IFT140: variants seen among roughly 807,000 people sequenced by gnomAD.
IFT140 encodes the protein intraflagellar transport protein 140 homolog.
IFT140 carries 133 observed loss-of-function variants against 164.6 expected under a neutral mutation model. That is an observed-to-expected ratio of 0.81 (90% CI 0.70 to 0.93). The LOEUF (loss-of-function observed/expected upper bound fraction) is 0.93, where lower values mean the gene tolerates loss of function less well. Among genes scored for constraint, IFT140 ranks in the 40% least tolerant of loss-of-function variants. The pLI, the probability that IFT140 is intolerant of heterozygous loss-of-function variation, is 0.00. For synonymous variants in IFT140, 860 were observed against 817.3 expected, an observed-to-expected ratio of 1.05 and a Z score of -0.89; for missense variants, 2,045 against 1,972.3, an observed-to-expected ratio of 1.04 and a Z score of -0.70.
Position 1,584,214 on chromosome 16 carries a change from C to T in IFT140, c.1359+3G>A, listed in dbSNP as rs754642262. 6.2e-7 allele frequency: 1 copy of T among 1,612,390 alleles called. No individual in the cohort carries two copies. The highest frequency in any genetic ancestry group is 1.7e-5 in the Admixed American group (1 of 59,942). On this transcript the variant is annotated splice_donor_region_variant and intron_variant, in intron 11 of 30. Coordinates refer to ENST00000426508, the MANE Select transcript of IFT140 (RefSeq NM_014714.4). ...CCCACCCACGGGTCCCCTCGGCAGT[C>T]ACCTTGGTGGCAAACACTCCACTGA...
chr16:1,514,518 A>T (rs1327584497), intron 30 of IFT140: 1 of 152,218 alleles, frequency 6.6e-6, no homozygotes, highest in Admixed American at 6.6e-5. Context: ...CCCACACTAC[A>T]CATGAGGCAG....
intron 26 of IFT140, among the ~76,000 whole-genome samples, chr16:1,521,852 T>C (rs1445531715): frequency 7.5e-6 from 1 of 133,686 alleles, no homozygotes; most frequent in Non-Finnish European, 1.6e-5. Context: ...CAGACCCCCA[T>C]CTCCACAAGA....
At chr16:1,543,461 G>A (rs760751162) in intron 19 of IFT140, among the ~76,000 whole-genome samples, 17 of 152,352 alleles carry the variant, frequency 1.1e-4, no homozygotes, top group Non-Finnish European at 2.4e-4. Flanking sequence ...TTCCCCTGGC[G>A]GGTAGGGGCG....
chr16:1,538,635 A>G (rs1203499725), intron 19 of IFT140, among the ~76,000 whole-genome samples: 1 of 152,132 alleles, frequency 6.6e-6, no homozygotes, highest in Non-Finnish European at 1.5e-5. Context: ...CTCATTTTGC[A>G]ATGTTTAGAG....
At chr16:1,568,513 A>G (rs930892125) in intron 14 of IFT140, among the ~76,000 whole-genome samples, 179 bp from the exon 15 acceptor site, 1 of 152,106 alleles carries the variant, frequency 6.6e-6, no homozygotes, top group Non-Finnish European at 1.5e-5. Flanking sequence ...GAGTTCTTCC[A>G]CCTCAGGTAC....
intron 30 of IFT140, among the ~76,000 whole-genome samples, chr16:1,511,916 T>A (rs892541461): frequency 6.6e-6 from 1 of 151,284 alleles, no homozygotes; most frequent in Non-Finnish European, 1.5e-5. Context: ...AGTGGCAGAA[T>A]TCAGAGAAGG....
chr16:1,515,024 T>TAGATA (rs1176353273), intron 30 of IFT140, among the ~76,000 whole-genome samples: 4 of 152,110 alleles, frequency 2.6e-5, no homozygotes, highest in African/African-American at 9.7e-5. Flanking sequence ...AAAGAAAGTC[T>TAGATA]AGATAAATAC....
At chr16:1,569,397 CT>C (rs1473195280) in intron 14 of IFT140, among the ~76,000 whole-genome samples, 1 of 152,032 alleles carries the variant, frequency 6.6e-6, no homozygotes, top group African/African-American at 2.4e-5. Context: ...CATTTTTTTA[CT>C]TTGGTATATA....
intron 19 of IFT140, among the ~76,000 whole-genome samples, chr16:1,550,281 C>G (rs2032527402): frequency 1.3e-5 from 2 of 152,214 alleles, no homozygotes; most frequent in Admixed American, 1.3e-4. Flanking sequence ...TGGAAGCAGA[C>G]AGATGCTCTG....
intron 24 of IFT140, chr16:1,524,169 A>G (rs141171038): frequency 0.027 from 17,660 of 663,560 alleles, 320 homozygotes; most frequent in Non-Finnish European, 0.035. Context: ...AGAGCACTGC[A>G]AGAAATACCT....
Position 1,571,518 on chromosome 16 carries a change from A to C in IFT140, c.1541T>G (p.Leu514Arg), listed in dbSNP as rs150903791. The change falls in exon 14 of 31, where the codon CTC (leucine) becomes CGC (arginine). Residue 514 changes from leucine (L) to arginine (R), a missense_variant. By Grantham distance (102) the Leu-to-Arg change is moderately radical (BLOSUM62 -2). Coordinates refer to ENST00000426508, the MANE Select transcript of IFT140 (RefSeq NM_014714.4). ...VRTWQGTVKQLLLFSETEGNP... is the reference protein window; with the variant it reads ...VRTWQGTVKQRLLFSETEGNP... Reference sequence around the variant, plus strand: ...CCCCTCAGTCTCCGAGAAAAGGAGGAGTTGTTTGACAGTCCCCTGAGGAAA... The same window carrying C: ...CCCCTCAGTCTCCGAGAAAAGGAGGCGTTGTTTGACAGTCCCCTGAGGAAA... 1 of 1,612,672 alleles carries C rather than the reference A, an allele frequency of 6.2e-7. No homozygotes were observed. Among genetic ancestry groups the C allele is most frequent in the Non-Finnish European group, 8.5e-7 (1 of 1,179,512 alleles).
In IFT140 at chr16:1,571,433, GT is replaced by G; in HGVS notation, c.1625del (p.His542ProfsTer68). The G allele has an allele frequency of 6.2e-7, 1 of 1,613,524 alleles. No individual in the cohort carries two copies. Among genetic ancestry groups the G allele is most frequent in the South Asian group, 1.1e-5 (1 of 90,820 alleles). The part of the protein sequence containing the change: ...NFLVVGTDLA[H>X]FKSFDLSRRE... ...TTCGGGAAAGATCAAAGCTTTTAAA[GT>G]GAGCCAAGTCTGTCCCTACAACCAG... On this transcript the variant is annotated frameshift_variant, in exon 14 of 31. Coordinates refer to ENST00000426508, the MANE Select transcript of IFT140 (RefSeq NM_014714.4). LOFTEE classifies it high-confidence loss of function.
rs749836690 is a variant in IFT140 at position 1,583,348 on chromosome 16, G to C, written c.1398C>G (p.Ile466Met). ...VAVWNGRQVAIFELSGAAIRS... is the reference protein window; with the variant it reads ...VAVWNGRQVAMFELSGAAIRS... ...GTATCGCGGCTCCAGAAAGCTCGAA[G>C]ATCGCCACCTGCCTTCCGTTCCAGA... is the stretch of plus-strand genomic sequence containing the variant. Residue 466 changes from isoleucine (I) to methionine (M), a missense_variant, in exon 12 of 31, where the codon ATC becomes ATG. Transcript: ENST00000426508. 2 of 1,614,168 alleles carry C rather than the reference G, an allele frequency of 1.2e-6. No individual in the cohort carries two copies. Among genetic ancestry groups the C allele is most frequent in the East Asian group, 2.2e-5 (1 of 44,880 alleles).
chr16:1,520,540 C>CACGA, intron 27 of IFT140, 62 bp downstream of exon 27: 1 of 1,492,664 alleles, frequency 6.7e-7, no homozygotes, highest in East Asian at 2.5e-5. Flanking sequence ...GAGATGCGTG[C>CACGA]AGGGGGCCCG....
chr16:1,583,269 A>C, intron 12 of IFT140, 45 bp downstream of exon 12: 1 of 1,544,944 alleles, frequency 6.5e-7, no homozygotes, highest in Non-Finnish European at 8.9e-7. Flanking sequence ...GGAGGAAATA[A>C]AGCCAGGTAG....
At chr16:1,591,425 G>A (rs924253450) in intron 6 of IFT140, among the ~76,000 whole-genome samples, 14 of 152,014 alleles carry the variant, frequency 9.2e-5, no homozygotes, top group Admixed American at 6.6e-5. Context: ...AAACCACACA[G>A]CCCCGTCTGC....
intron 19 of IFT140, among the ~76,000 whole-genome samples, chr16:1,556,101 G>A (rs925144002): frequency 1.3e-5 from 2 of 152,128 alleles, no homozygotes; most frequent in South Asian, 2.1e-4. Flanking sequence ...GCAAGACTCC[G>A]TCTCAAAACA....
chr16:1,520,541 AG>A (rs2040491819), intron 27 of IFT140, 60 bp downstream of exon 27: 6 of 1,489,304 alleles, frequency 4.0e-6, no homozygotes, highest in Non-Finnish European at 5.5e-6. Context: ...AGATGCGTGC[AG>A]GGGGCCCGCA....
At chr16:1,546,633 G>A (rs1030121688) in intron 19 of IFT140, among the ~76,000 whole-genome samples, 2 of 152,218 alleles carry the variant, frequency 1.3e-5, no homozygotes, top group African/African-American at 4.8e-5. Flanking sequence ...CCCCACCTAG[G>A]CCTGTCTCCC....
Sources: allele counts gnomAD v4.1 joint callset (sites outside exome capture counted in the v4.1 genomes callset), GRCh38; gene constraint gnomAD v4.1.1; transcripts MANE v1.5; gene names NCBI Gene and HGNC (gene_info 2026-07-23, HGNC 2026-07-21).